The following CLHC1 variants were observed in gnomAD, a reference collection of about 807,000 sequenced individuals.
CLHC1 encodes clathrin heavy chain linker domain containing 1, also known as clathrin heavy chain linker domain-containing protein 1.
CLHC1 carries 72 observed loss-of-function variants against 69.5 expected under a neutral mutation model. That is an observed-to-expected ratio of 1.04 (90% CI 0.86 to 1.26). CLHC1 has a LOEUF of 1.26. Ranked by LOEUF, CLHC1 falls within the 50% of genes most tolerant of loss-of-function variation. The pLI, the probability that CLHC1 is intolerant of heterozygous loss-of-function variation, is 0.00. For synonymous variants in CLHC1, 223 were observed against 224.3 expected, an observed-to-expected ratio of 0.99 and a Z score of 0.05; for missense variants, 790 against 679.3, an observed-to-expected ratio of 1.16 and a Z score of -1.81.
chr2:55,208,592 A>T, intron 8 of CLHC1, 34 bp downstream of exon 8: 1 of 1,329,448 alleles, frequency 7.5e-7, no homozygotes, highest in Non-Finnish European at 1.1e-6. Flanking sequence ...GAAAAAATAT[A>T]ATTCTGAAAA....
Position 55,221,892 on chromosome 2 carries a change from A to C in CLHC1, c.177+343T>G, listed in dbSNP as rs564395645. On this transcript the variant is annotated intron_variant, in intron 3 of 12. Coordinates refer to ENST00000401408, the MANE Select transcript of CLHC1 (RefSeq NM_152385.4). ...TACAGGAGGCTGAGGCAAGAGGATA[A>C]CTTGAACCCAGGAGTTTGAGGCTGC... Among the ~76,000 whole-genome samples the C allele has an allele frequency of 2.6e-5, 4 of 152,282 alleles. No individual in the cohort carries two copies. In the South Asian group the frequency reaches 8.3e-4, roughly 32 times the overall value.
chr2:55,223,627 G>GGGGCGAGGGA lies in CLHC1; in HGVS notation c.-82-1144_-82-1135dup, dbSNP rs1319090088. Among the ~76,000 whole-genome samples, 296 of 152,102 alleles carry GGGGCGAGGGA rather than the reference G, an allele frequency of 1.9e-3. 2 individuals are homozygous for GGGGCGAGGGA. Among genetic ancestry groups the GGGGCGAGGGA allele is most frequent in the African/African-American group, 6.8e-3 (283 of 41,520 alleles). On this transcript the variant is annotated intron_variant, in intron 2 of 12. Coordinates refer to ENST00000401408, the MANE Select transcript of CLHC1 (RefSeq NM_152385.4). ...GGTTCCCCCGACCTCAGACGGCTCTGGGGCGAGGGAGGGCGCGCGGAGGCT... is the reference window on the plus strand; with the variant it reads ...GGTTCCCCCGACCTCAGACGGCTCTGGGGCGAGGGAGGGCGAGGGAGGGCGCGCGGAGGCT...
intron 9 of CLHC1, among the ~76,000 whole-genome samples, chr2:55,188,059 A>C (rs757565323): frequency 2.6e-5 from 4 of 152,170 alleles, no homozygotes; most frequent in Non-Finnish European, 5.9e-5. Context: ...CACACCTGTA[A>C]TCCCAGCATT....
chr2:55,191,095 T>C (rs568957572), intron 9 of CLHC1, among the ~76,000 whole-genome samples: 2 of 152,332 alleles, frequency 1.3e-5, no homozygotes, highest in South Asian at 4.1e-4. Flanking sequence ...AGAAAAAGTC[T>C]ATCTAGCATT....
At chr2:55,216,911 G>A in intron 4 of CLHC1, among the ~76,000 whole-genome samples, 1 of 152,182 alleles carries the variant, frequency 6.6e-6, no homozygotes, top group East Asian at 1.9e-4. Context: ...GCTTTGGGAG[G>A]CTGGGGCATG....
intron 5 of CLHC1, among the ~76,000 whole-genome samples, chr2:55,211,328 C>T (rs150835762): frequency 1.8e-3 from 273 of 151,808 alleles, no homozygotes; most frequent in African/African-American, 6.3e-3. Context: ...GGTGAAACCC[C>T]GTCTCTCCTA....
chr2:55,182,667 C>A (rs557692472), intron 9 of CLHC1, among the ~76,000 whole-genome samples: 1 of 152,156 alleles, frequency 6.6e-6, no homozygotes, highest in South Asian at 2.1e-4. Context: ...CTGATATTTG[C>A]CTGGAAAGTT....
At chr2:55,212,995 A>T (rs2103972293) in intron 4 of CLHC1, among the ~76,000 whole-genome samples, 189 bp from the exon 5 acceptor site, 1 of 152,322 alleles carries the variant, frequency 6.6e-6, no homozygotes, top group Middle Eastern at 3.4e-3. Context: ...AAAATCTCAT[A>T]CTATGATTCT....
chr2:55,231,927 G>T (rs540665967), intron 1 of CLHC1: 1 of 152,326 alleles, frequency 6.6e-6, no homozygotes, highest in East Asian at 1.9e-4. Flanking sequence ...TCCCTAGGCT[G>T]GGAGAGACTC....
In CLHC1 at chr2:55,189,001, A is replaced by G. The variant is rs551302443; in HGVS notation, c.1007-7257T>C. 1.5e-4 allele frequency among the ~76,000 whole-genome samples: 23 copies of G among 152,326 alleles called. No individual in the cohort carries two copies. In the South Asian group the frequency reaches 4.6e-3, roughly 30 times the overall value. ...TAATTTCCTTAAGACACAAGTGAAT[A>G]TTTAAGGCAAAAATAGTAACAATGT... On this transcript the variant is annotated intron_variant, in intron 9 of 12. Coordinates refer to ENST00000401408, the MANE Select transcript of CLHC1 (RefSeq NM_152385.4).
chr2:55,185,566 G>C (rs1670342753), intron 9 of CLHC1, among the ~76,000 whole-genome samples: 2 of 152,140 alleles, frequency 1.3e-5, no homozygotes, highest in African/African-American at 4.8e-5. Context: ...CATTTTTGCA[G>C]GTTTCATTTT....
At chr2:55,200,811 T>C (rs371407548) in intron 9 of CLHC1, among the ~76,000 whole-genome samples, 21 of 152,172 alleles carry the variant, frequency 1.4e-4, no homozygotes, top group East Asian at 1.9e-4. Flanking sequence ...ATTCAAAAAA[T>C]TGAAATAATA....
intron 5 of CLHC1, 95 bp from the exon 6 acceptor site, chr2:55,209,926 G>C (rs576523942): frequency 2.0e-4 from 154 of 758,100 alleles, no homozygotes; most frequent in Non-Finnish European, 3.1e-4. Flanking sequence ...ACTATGTTAA[G>C]AAACAATTTA....
chr2:55,197,896 C>T (rs1020348933), intron 9 of CLHC1, among the ~76,000 whole-genome samples: 1 of 152,086 alleles, frequency 6.6e-6, no homozygotes, highest in Admixed American at 6.5e-5. Context: ...AGATATGTAA[C>T]CTTTCAGGCA....
At chr2:55,189,281 A>C (rs1482229141) in intron 9 of CLHC1, among the ~76,000 whole-genome samples, 1 of 152,218 alleles carries the variant, frequency 6.6e-6, no homozygotes, top group African/African-American at 2.4e-5. Flanking sequence ...ACTGATGAAA[A>C]TAATTGAGAA....
chr2:55,206,375 A>G lies in CLHC1; in HGVS notation c.901T>C (p.Phe301Leu). The change falls in exon 9 of 13, where the codon TTT becomes CTT. Residue 301 changes from phenylalanine to leucine, a missense_variant and splice_region_variant. Physicochemically the swap from Phe to Leu is conservative, Grantham distance 22 (BLOSUM62 0). Coordinates refer to ENST00000401408, the MANE Select transcript of CLHC1 (RefSeq NM_152385.4). ...AEIMLHYIER[F>L]NELISLGEYE... ...TCACCAAGTGAGATTAACTCATTAA[A>G]CCTATAGCCATCACATTTTAAAATG... 6.5e-7 allele frequency: 1 copy of G among 1,545,538 alleles called. No individual in the cohort carries two copies. The highest frequency in any genetic ancestry group is 1.7e-4 in the Middle Eastern group (1 of 5,924).
intron 9 of CLHC1, among the ~76,000 whole-genome samples, chr2:55,190,451 ATAGAATTTG>A (rs779463331): frequency 2.7e-4 from 41 of 152,316 alleles, no homozygotes; most frequent in Middle Eastern, 3.4e-3. Context: ...AATTGACATG[ATAGAATTTG>A]TAGAAAAGGA....
rs2104065247 is a variant in CLHC1 at position 55,222,223 on chromosome 2, GC to G, written c.177+11del. 1 of 1,597,886 alleles carries G rather than the reference GC, an allele frequency of 6.3e-7. No individual in the cohort carries two copies. ...TCATGAAAACTTAATTGTCTTAAAAGCTTTATGATACCTTATCAAAAACATT... is the reference window on the plus strand; with the variant it reads ...TCATGAAAACTTAATTGTCTTAAAAGTTTATGATACCTTATCAAAAACATT... On this transcript the variant is annotated intron_variant, in intron 3 of 12. Transcript: ENST00000401408.
At chr2:55,191,848 G>C (rs1670961253) in intron 9 of CLHC1, among the ~76,000 whole-genome samples, 1 of 152,042 alleles carries the variant, frequency 6.6e-6, no homozygotes, top group Middle Eastern at 3.4e-3. Flanking sequence ...AAACACACCA[G>C]TGAAGTGTGG....
Sources: allele counts gnomAD v4.1 joint callset (sites outside exome capture counted in the v4.1 genomes callset), GRCh38; gene constraint gnomAD v4.1.1; transcripts MANE v1.5; gene names NCBI Gene and HGNC (gene_info 2026-07-23, HGNC 2026-07-21).